PATJ: variants seen among roughly 807,000 people sequenced by gnomAD.
PATJ encodes the protein inaD-like protein.
In PATJ, 190 loss-of-function variants were observed where a neutral mutation model predicts 224.9. The ratio of observed to expected loss-of-function variants is 0.84; its 90% CI spans 0.75 to 0.95. PATJ has a LOEUF of 0.95. Ranked by LOEUF, PATJ falls within the 40% of genes least tolerant of loss-of-function variation. The probability of loss-of-function intolerance (pLI) is 0.00; values close to 1 mark genes in which losing one functional copy is unlikely to be tolerated. For synonymous variants in PATJ, 769 were observed against 820.3 expected (o/e 0.94, Z 1.07); for missense variants, 2,121 against 2,270.3 (o/e 0.93, Z 1.34).
intron 33 of PATJ, among the ~76,000 whole-genome samples, chr1:62,107,696 A>G (rs1474241894): frequency 6.6e-6 from 1 of 152,132 alleles, no homozygotes; most frequent in African/African-American, 2.4e-5. Flanking sequence ...CTTGAATCCT[A>G]TACGTGGGTA....
chr1:62,128,750 G>T, intron 40 of PATJ, 91 bp from the exon 41 acceptor site: 1 of 899,194 alleles, frequency 1.1e-6, no homozygotes. Context: ...AGCCACAAAT[G>T]GGAAATAGGA....
At chr1:62,084,106 T>C (rs1337911045) in intron 32 of PATJ, among the ~76,000 whole-genome samples, 2 of 152,020 alleles carry the variant, frequency 1.3e-5, no homozygotes, top group Admixed American at 6.6e-5. Flanking sequence ...ATAAAAAAAT[T>C]AGCCAGGCAT....
At chr1:61,855,879 T>A (rs1663573974) in intron 17 of PATJ, 151 bp from the exon 18 acceptor site, 1 of 628,876 alleles carries the variant, frequency 1.6e-6, no homozygotes, top group Admixed American at 2.9e-5. Context: ...AGATTTTAAT[T>A]TATTTTTACC....
chr1:61,829,040 C>G (rs1428415295), intron 16 of PATJ, among the ~76,000 whole-genome samples: 1 of 152,182 alleles, frequency 6.6e-6, no homozygotes, highest in African/African-American at 2.4e-5. Context: ...TGCTCAGTAA[C>G]AGTCGGCTAT....
intron 10 of PATJ, 30 bp downstream of exon 10, chr1:61,795,588 A>C: frequency 7.4e-7 from 1 of 1,343,548 alleles, no homozygotes; most frequent in Non-Finnish European, 1.1e-6. Flanking sequence ...TTTAGGTTTG[A>C]TTCTAGTTGA....
chr1:61,947,005 C>T (rs12085283), intron 27 of PATJ, among the ~76,000 whole-genome samples: 6,592 of 152,206 alleles, frequency 0.043, 529 homozygotes, highest in African/African-American at 0.15. Flanking sequence ...AGGCCTTTGA[C>T]AAAATTCAAC....
At chr1:62,091,346 A>G (rs1376238945) in intron 33 of PATJ, among the ~76,000 whole-genome samples, 1 of 152,260 alleles carries the variant, frequency 6.6e-6, no homozygotes, top group Non-Finnish European at 1.5e-5. Flanking sequence ...TGGACAAATG[A>G]CAGCCTTTCT....
At chr1:62,015,026 G>C (rs1222271827) in intron 28 of PATJ, among the ~76,000 whole-genome samples, 1 of 152,084 alleles carries the variant, frequency 6.6e-6, no homozygotes, top group East Asian at 1.9e-4. Context: ...TATGCCGGGC[G>C]CAGTGGCTCA....
chr1:62,137,049 C>T (rs1329956949), intron 41 of PATJ, among the ~76,000 whole-genome samples: 1 of 152,042 alleles, frequency 6.6e-6, no homozygotes, highest in East Asian at 1.9e-4. Context: ...AAACATAATA[C>T]CTAAACCTGT....
At chr1:62,103,758 CAAA>C (rs751774297) in intron 33 of PATJ, among the ~76,000 whole-genome samples, 7 of 108,688 alleles carry the variant, frequency 6.4e-5, no homozygotes, top group African/African-American at 6.6e-5. Flanking sequence ...TGTCTCAACC[CAAA>C]AAAAAAAAAA....
chr1:61,796,730 TTCTTTC>T (rs1450847118), intron 10 of PATJ, among the ~76,000 whole-genome samples: 2 of 75,068 alleles, frequency 2.7e-5, no homozygotes, highest in African/African-American at 9.4e-5. Flanking sequence ...TTCTTTTTCT[TTCTTTC>T]TTTCTTTTTT....
intron 14 of PATJ, 109 bp downstream of exon 14, chr1:61,808,639 T>C (rs533057970): frequency 1.5e-6 from 1 of 669,698 alleles, no homozygotes; most frequent in East Asian, 2.9e-5. Context: ...GATCCTCCCG[T>C]GTTTCCCTCC....
At chr1:62,147,258 C>A (rs920993106) in intron 41 of PATJ, among the ~76,000 whole-genome samples, 5 of 151,822 alleles carry the variant, frequency 3.3e-5, no homozygotes, top group African/African-American at 1.2e-4. Context: ...GGACTAAGCC[C>A]TGTGGCCCTC....
intron 31 of PATJ, among the ~76,000 whole-genome samples, chr1:62,067,748 A>C (rs1372349575): frequency 2.0e-5 from 3 of 152,182 alleles, no homozygotes; most frequent in Non-Finnish European, 1.5e-5. Flanking sequence ...TGTTTGTCTG[A>C]TGGGCATATT....
chr1:62,017,877 G>T lies in PATJ; in HGVS notation c.3889G>T (p.Gly1297Ter). The change falls in exon 29 of 44, where the codon GGA becomes TGA. Residue 1297 changes from glycine (G) to a stop codon, truncating the protein, a stop_gained. Transcript: ENST00000642238. LOFTEE classifies it high-confidence loss of function. ...LLEINNQILY[G>*]RSHQNASAII... ...ACAGATAAACAATCAGATTCTGTATGGAAGAAGTCACCAAAATGCATCTGC... is the reference window on the plus strand; with the variant it reads ...ACAGATAAACAATCAGATTCTGTATTGAAGAAGTCACCAAAATGCATCTGC... 6.2e-7 allele frequency: 1 copy of T among 1,608,964 alleles called. No individual in the cohort carries two copies. The highest frequency in any genetic ancestry group is 8.5e-7 in the Non-Finnish European group (1 of 1,175,522).
chr1:61,894,830 G>A (rs1226843104), intron 22 of PATJ, among the ~76,000 whole-genome samples: 1 of 152,208 alleles, frequency 6.6e-6, no homozygotes, highest in Non-Finnish European at 1.5e-5. Flanking sequence ...GGGCTCAGAA[G>A]CTGACAGGAA....
At chr1:61,971,796 C>A (rs1683011038) in intron 27 of PATJ, among the ~76,000 whole-genome samples, 1 of 151,120 alleles carries the variant, frequency 6.6e-6, no homozygotes, top group Admixed American at 6.6e-5. Context: ...GAGTTTGAGA[C>A]CATCCTGGAA....
At chr1:62,087,900 T>A (rs1219344523) in intron 33 of PATJ, among the ~76,000 whole-genome samples, 4 of 151,716 alleles carry the variant, frequency 2.6e-5, no homozygotes, top group African/African-American at 9.7e-5. Flanking sequence ...GTAATTTTTT[T>A]TTTTTTTTGA....
At chr1:61,818,336 A>G (rs1656575564) in intron 14 of PATJ, among the ~76,000 whole-genome samples, 1 of 152,222 alleles carries the variant, frequency 6.6e-6, no homozygotes, top group Non-Finnish European at 1.5e-5. Context: ...AACCCCTCAC[A>G]AAACGTTGAA....
Sources: allele counts gnomAD v4.1 joint callset (sites outside exome capture counted in the v4.1 genomes callset), GRCh38; gene constraint gnomAD v4.1.1; transcripts MANE v1.5; gene names NCBI Gene and HGNC (gene_info 2026-07-23, HGNC 2026-07-21).